Variants in ACYP2 observed in about 807,000 individuals in gnomAD.
ACYP2 encodes acylphosphatase 2.
In ACYP2, 12 loss-of-function variants were observed where a neutral mutation model predicts 11.2. That is an observed-to-expected ratio of 1.08 (90% CI 0.69 to 1.74). The LOEUF is 1.74. ACYP2 is among the 40% of genes most tolerant of loss of function. ACYP2 has a pLI of 0.00. For missense variants in ACYP2, 134 were observed against 101.9 expected, an observed-to-expected ratio of 1.31 and a Z score of -1.35; for synonymous variants, 43 against 32.2, an observed-to-expected ratio of 1.33 and a Z score of -1.13.
intron 6 of ACYP2, among the ~76,000 whole-genome samples, chr2:54,292,058 G>A (rs1689332866): frequency 6.6e-6 from 1 of 152,102 alleles, no homozygotes; most frequent in Admixed American, 6.6e-5. Flanking sequence ...TTTGAATGTA[G>A]CAGAAACAGG....
chr2:54,172,126 A>G (rs559017167), intron 6 of ACYP2, among the ~76,000 whole-genome samples: 5 of 152,216 alleles, frequency 3.3e-5, no homozygotes, highest in African/African-American at 1.2e-4. Flanking sequence ...CTGAGGCAGG[A>G]AGGATCCCTT....
intron 2 of ACYP2, among the ~76,000 whole-genome samples, chr2:54,011,500 G>A (rs1332637474): frequency 6.6e-6 from 1 of 152,088 alleles, no homozygotes; most frequent in East Asian, 1.9e-4. Context: ...CATAATAATA[G>A]GGAGAAGATG....
intron 2 of ACYP2, among the ~76,000 whole-genome samples, chr2:53,994,329 C>CAA (rs374302355): frequency 0.015 from 613 of 42,068 alleles, 8 homozygotes; most frequent in African/African-American, 0.028. Context: ...GACTCCGTCT[C>CAA]AAAAAAAAAA....
intron 6 of ACYP2, among the ~76,000 whole-genome samples, chr2:54,234,740 A>G (rs1275474310): frequency 6.6e-6 from 1 of 152,224 alleles, no homozygotes; most frequent in Non-Finnish European, 1.5e-5. Context: ...TTCATCTTCA[A>G]CATTGTCTCA....
At chr2:53,981,040 C>A (rs993910551) in intron 2 of ACYP2, among the ~76,000 whole-genome samples, 2 of 152,140 alleles carry the variant, frequency 1.3e-5, no homozygotes, top group Non-Finnish European at 2.9e-5. Context: ...GTGTGAGCCA[C>A]CACACCGGAA....
chr2:54,013,255 A>ATGTGTGTGTG (rs60289014), intron 2 of ACYP2, among the ~76,000 whole-genome samples: 10 of 117,526 alleles, frequency 8.5e-5, no homozygotes, highest in Non-Finnish European at 1.6e-4. Context: ...ACCATCTAAT[A>ATGTGTGTGTG]TGTGTGTGTG....
chr2:54,004,781 C>CGT (rs1672975182), intron 2 of ACYP2, among the ~76,000 whole-genome samples: 1 of 149,760 alleles, frequency 6.7e-6, no homozygotes. Flanking sequence ...TTGTCTCAGC[C>CGT]GTGTGTGGGA....
intron 4 of ACYP2, among the ~76,000 whole-genome samples, chr2:54,109,626 G>C (rs550283109): frequency 6.6e-6 from 1 of 152,126 alleles, no homozygotes; most frequent in South Asian, 2.1e-4. Context: ...ATCTGCTCAT[G>C]CACCACATTG....
intron 4 of ACYP2, among the ~76,000 whole-genome samples, chr2:54,118,600 C>T (rs1384432283): frequency 1.3e-5 from 2 of 152,244 alleles, no homozygotes; most frequent in Non-Finnish European, 2.9e-5. Context: ...TCTGCTATTA[C>T]ATTATATATT....
intron 2 of ACYP2, among the ~76,000 whole-genome samples, chr2:53,990,362 A>T (rs1283095338): frequency 2.0e-5 from 3 of 152,036 alleles, no homozygotes; most frequent in Non-Finnish European, 1.5e-5. Flanking sequence ...TATATCAAGA[A>T]TCCTAGCTGG....
intron 4 of ACYP2, among the ~76,000 whole-genome samples, chr2:54,116,768 G>C (rs1397143346): frequency 6.6e-6 from 1 of 152,082 alleles, no homozygotes; most frequent in Non-Finnish European, 1.5e-5. Flanking sequence ...GAGGGGAAGG[G>C]GTTCTTATTC....
intron 4 of ACYP2, among the ~76,000 whole-genome samples, chr2:54,119,316 C>A (rs923724063): frequency 6.6e-5 from 10 of 152,034 alleles, no homozygotes; most frequent in Non-Finnish European, 1.5e-4. Flanking sequence ...CTCGGCCTCA[C>A]AAAGTTCTGG....
rs138204797 is a variant in ACYP2 at position 54,042,710 on chromosome 2, T to A, written c.63-8248T>A. Among the ~76,000 whole-genome samples the A allele has an allele frequency of 2.9e-3, 445 of 152,324 alleles. 2 individuals carry two copies. The highest frequency in any genetic ancestry group is 0.01 in the African/African-American group (428 of 41,576). ...GATGGTGAGGGGACCCTTATTCCCT[T>A]TGGGTCCCTGTTTGGCTTCAAATTT... On this transcript the variant is annotated intron_variant, in intron 2 of 6. Coordinates refer to ENST00000607452, the MANE Select transcript of ACYP2 (RefSeq NM_001320586.2).
intron 6 of ACYP2, among the ~76,000 whole-genome samples, chr2:54,172,311 C>G (rs1358553668): frequency 6.6e-6 from 1 of 151,988 alleles, no homozygotes; most frequent in Non-Finnish European, 1.5e-5. Context: ...TGCAAAGAGA[C>G]AAAAGTCATT....
At chr2:54,287,745 T>A (rs1232615992) in intron 6 of ACYP2, among the ~76,000 whole-genome samples, 2 of 152,034 alleles carry the variant, frequency 1.3e-5, no homozygotes, top group Non-Finnish European at 2.9e-5. Context: ...TCTGCCAGAC[T>A]TGTAAGTGAT....
At chr2:54,131,844 G>A (rs1167183374) in intron 4 of ACYP2, among the ~76,000 whole-genome samples, 3 of 152,190 alleles carry the variant, frequency 2.0e-5, no homozygotes, top group African/African-American at 7.2e-5. Context: ...TGCCTGGAAA[G>A]CATGTGAAAA....
chr2:53,989,277 C>CTT (rs775237196), intron 2 of ACYP2, among the ~76,000 whole-genome samples: 6,375 of 94,744 alleles, frequency 0.067, 402 homozygotes, highest in Non-Finnish European at 0.086. Context: ...GTAGACAATT[C>CTT]TTTTTTTTTT....
At chr2:53,994,966 A>T (rs571732781) in intron 2 of ACYP2, among the ~76,000 whole-genome samples, 2 of 152,290 alleles carry the variant, frequency 1.3e-5, no homozygotes, top group African/African-American at 4.8e-5. Context: ...ATACCATGTG[A>T]CAGTTCTTTA....
intron 6 of ACYP2, among the ~76,000 whole-genome samples, chr2:54,284,918 C>A (rs1689013866): frequency 6.6e-6 from 1 of 152,192 alleles, no homozygotes; most frequent in South Asian, 2.1e-4. Flanking sequence ...CTTGAAATAC[C>A]TTCTTTGCTG....
Sources: allele counts gnomAD v4.1 joint callset (sites outside exome capture counted in the v4.1 genomes callset), GRCh38; gene constraint gnomAD v4.1.1; transcripts MANE v1.5; gene names NCBI Gene and HGNC (gene_info 2026-07-23, HGNC 2026-07-21).